SV2C: variants seen among roughly 807,000 people sequenced by gnomAD.
SV2C encodes synaptic vesicle glycoprotein 2C.
SV2C carries 49 observed loss-of-function variants against 79.7 expected under a neutral mutation model. That is an observed-to-expected ratio of 0.61 (90% CI 0.49 to 0.78). The LOEUF (loss-of-function observed/expected upper bound fraction) is 0.78, where lower values mean the gene tolerates loss of function less well. SV2C is among the 30% of genes least tolerant of loss of function. The pLI is 0.00. For synonymous variants in SV2C, 334 were observed against 333.2 expected, an observed-to-expected ratio of 1.00 and a Z score of -0.03; for missense variants, 833 against 912.9, an observed-to-expected ratio of 0.91 and a Z score of 1.13.
the SV2C span, among the ~76,000 whole-genome samples, chr5:75,971,879 G>T: frequency 6.6e-6 from 1 of 151,978 alleles, no homozygotes; most frequent in South Asian, 2.1e-4. Context: ...TCAATCCTAA[G>T]CCAAAAGAAC....
intron 1 of SV2C, among the ~76,000 whole-genome samples, chr5:76,094,782 T>A (rs1747495280): frequency 6.6e-6 from 1 of 152,124 alleles, no homozygotes; most frequent in East Asian, 1.9e-4. Flanking sequence ...ATTTTTCAAT[T>A]GGGTTGCTTG....
intron 12 of SV2C, among the ~76,000 whole-genome samples, chr5:76,317,730 TGAG>T (rs539843328): frequency 2.2e-3 from 329 of 152,276 alleles, no homozygotes; most frequent in African/African-American, 7.3e-3. Flanking sequence ...CTCGAGAGGC[TGAG>T]GAGGAGGATC....
At chr5:76,139,258 C>G (rs1330769118) in intron 2 of SV2C, among the ~76,000 whole-genome samples, 1 of 152,080 alleles carries the variant, frequency 6.6e-6, no homozygotes. Flanking sequence ...AAGATTTAGC[C>G]TATCTATCTA....
chr5:76,325,244 C>T (rs1304681272), intron 12 of SV2C, 120 bp from the exon 13 acceptor site: 1 of 1,024,006 alleles, frequency 9.8e-7, no homozygotes, highest in East Asian at 2.4e-5. Context: ...CATTGATTTG[C>T]TCCACTGATA....
chr5:75,924,446 C>A, the SV2C span, among the ~76,000 whole-genome samples: 1 of 152,086 alleles, frequency 6.6e-6, no homozygotes, highest in South Asian at 2.1e-4. Flanking sequence ...CTTAGTCAAA[C>A]CTTTTGTCTT....
At position 76,341,110 on chromosome 5, in the gene SV2C, T is replaced by C. The variant is rs563031050; in HGVS notation, c.2001-12020T>C. On this transcript the variant is annotated intron_variant, in intron 12 of 12. Transcript: ENST00000322285. ...CATGCCTAGCTAATTTTTATATTTTTAGTACAGACGGGTTTTCACCATGTT... is the reference window on the plus strand; with the variant it reads ...CATGCCTAGCTAATTTTTATATTTTCAGTACAGACGGGTTTTCACCATGTT... Among the ~76,000 whole-genome samples, 8 of 152,192 alleles carry C rather than the reference T, an allele frequency of 5.3e-5. No homozygotes were observed. In the East Asian group the frequency reaches 1.5e-3, roughly 29 times the overall value.
the SV2C span, among the ~76,000 whole-genome samples, chr5:75,876,374 C>G: frequency 0.025 from 3,739 of 152,060 alleles, 159 homozygotes; most frequent in African/African-American, 0.086. Flanking sequence ...ATGATAAGAA[C>G]TTATGAACAC....
At chr5:75,948,525 G>T in the SV2C span, among the ~76,000 whole-genome samples, 156 of 152,106 alleles carry the variant, frequency 1.0e-3, no homozygotes, top group African/African-American at 3.5e-3. Context: ...ATAGTGCCAT[G>T]AGGAGAAACA....
At chr5:76,317,309 C>G (rs1748657331) in intron 12 of SV2C, among the ~76,000 whole-genome samples, 1 of 152,150 alleles carries the variant, frequency 6.6e-6, no homozygotes, top group Non-Finnish European at 1.5e-5. Flanking sequence ...TTAAGGACTG[C>G]CTATACTTTT....
chr5:75,957,881 C>G, the SV2C span, among the ~76,000 whole-genome samples: 4 of 151,978 alleles, frequency 2.6e-5, no homozygotes, highest in South Asian at 8.3e-4. Flanking sequence ...GTCATTGTAT[C>G]TTTCATAGTT....
At position 76,353,154 on chromosome 5, in the gene SV2C, C is replaced by T. The variant is rs1009984088; in HGVS notation, c.2025C>T (p.Pro675=). 2.9e-4 allele frequency: 129 copies of T among 450,482 alleles called. No homozygotes were observed. The Admixed American group carries it at 3.0e-3, about 10-fold the overall frequency. 27.9% of individuals were successfully genotyped at this position (450,482 alleles called of 1,614,324 possible). A position where few individuals can be genotyped will look rare whatever the true frequency, so the allele number is the denominator to read the frequency against. Residue 675 remains proline, a synonymous_variant, in exon 13 of 13, where the codon CCC becomes CCT. Transcript: ENST00000322285. ...GACGCAGAGTCTTGCCATGTTGCCCCGGCTGATCTTGAACTCCTGGCCTCA... is the reference window on the plus strand; with the variant it reads ...GACGCAGAGTCTTGCCATGTTGCCCTGGCTGATCTTGAACTCCTGGCCTCA...
chr5:76,089,800 C>G (rs1271114313), intron 1 of SV2C, among the ~76,000 whole-genome samples: 1 of 152,056 alleles, frequency 6.6e-6, no homozygotes, highest in Non-Finnish European at 1.5e-5. Context: ...CTTTTTTAAC[C>G]ATGAACAAGT....
chr5:76,243,068 G>GAAAAAAAAAA (rs1745842197), intron 4 of SV2C, among the ~76,000 whole-genome samples: 1 of 132,286 alleles, frequency 7.6e-6, no homozygotes, highest in Non-Finnish European at 1.6e-5. Flanking sequence ...GAAAGAAAAC[G>GAAAAAAAAAA]AAGATAGTGG....
chr5:75,948,965 T>C, the SV2C span, among the ~76,000 whole-genome samples: 1 of 151,954 alleles, frequency 6.6e-6, no homozygotes, highest in African/African-American at 2.4e-5. Context: ...TCATGTTGCA[T>C]TGTAATCCCC....
intron 4 of SV2C, among the ~76,000 whole-genome samples, chr5:76,225,897 G>T (rs898134748): frequency 2.0e-5 from 3 of 152,146 alleles, no homozygotes; most frequent in African/African-American, 7.2e-5. Flanking sequence ...TGCTCATTGG[G>T]CATCCGTCTG....
At chr5:76,177,372 G>A (rs1480651381) in intron 2 of SV2C, among the ~76,000 whole-genome samples, 1 of 151,506 alleles carries the variant, frequency 6.6e-6, no homozygotes, top group Non-Finnish European at 1.5e-5. Context: ...ATCGCAGATA[G>A]TACCGTCCCC....
At chr5:75,880,376 A>G in the SV2C span, among the ~76,000 whole-genome samples, 2 of 152,060 alleles carry the variant, frequency 1.3e-5, no homozygotes, top group Non-Finnish European at 2.9e-5. Flanking sequence ...ACTTTAAGTC[A>G]TTTCTTTGCT....
At chr5:76,059,203 G>C in the SV2C span, among the ~76,000 whole-genome samples, 1 of 151,984 alleles carries the variant, frequency 6.6e-6, no homozygotes, top group African/African-American at 2.4e-5. Context: ...GACCACTCAG[G>C]GTGGTGATTG....
At chr5:76,156,837 A>C (rs1337214570) in intron 2 of SV2C, among the ~76,000 whole-genome samples, 1 of 152,082 alleles carries the variant, frequency 6.6e-6, no homozygotes, top group Non-Finnish European at 1.5e-5. Flanking sequence ...GAATTAATGA[A>C]CTAGAAGAAA....
Sources: allele counts gnomAD v4.1 joint callset (sites outside exome capture counted in the v4.1 genomes callset), GRCh38; gene constraint gnomAD v4.1.1; transcripts MANE v1.5; gene names NCBI Gene and HGNC (gene_info 2026-07-23, HGNC 2026-07-21).